Variants in AMMECR1 observed in about 807,000 individuals in gnomAD.
The protein encoded by AMMECR1 is nuclear protein AMMECR1.
In AMMECR1, 3 loss-of-function variants were observed where a neutral mutation model predicts 22.5. The observed-to-expected ratio is 0.13, with a 90% CI of 0.06 to 0.35. AMMECR1 has a LOEUF of 0.35. Ranked by LOEUF, AMMECR1 falls within the 10% of genes least tolerant of loss-of-function variation. AMMECR1 has a pLI of 1.00. For missense variants in AMMECR1, 235 were observed against 278.7 expected, an observed-to-expected ratio of 0.84 and a Z score of 1.12; for synonymous variants, 130 against 116.7, an observed-to-expected ratio of 1.11 and a Z score of -0.74.
Position 110,194,973 on chromosome X carries a change from ATC to A in AMMECR1, c.*3545_*3546del. 8.9e-6 allele frequency: 1 copy of A among 112,047 alleles called. No homozygotes were observed. Among genetic ancestry groups the A allele is most frequent in the East Asian group, 2.8e-4 (1 of 3,579 alleles). 9.2% of individuals were successfully genotyped at this position (112,047 alleles called of 1,213,427 possible). On this transcript the variant is annotated 3_prime_UTR_variant, in exon 6 of 6. Transcript: ENST00000262844. Reference sequence around the variant, plus strand: ...ATTCATTTTAACATCACTAGCAAAAATCACTTAGAAACTGTACAAAAATAAAA... The same window carrying A: ...ATTCATTTTAACATCACTAGCAAAAAACTTAGAAACTGTACAAAAATAAAA...
chrX:110,372,243 A>G (rs1445396971), intron 2 of AMMECR1, among the ~76,000 whole-genome samples: 1 of 112,773 alleles, frequency 8.9e-6, no homozygotes, highest in East Asian at 2.8e-4. Context: ...TGAGGAGGAT[A>G]TAAAATCAAG....
intron 1 of AMMECR1, among the ~76,000 whole-genome samples, chrX:110,436,177 A>G (rs1033096879): frequency 8.9e-6 from 1 of 112,233 alleles, no homozygotes; most frequent in Non-Finnish European, 1.9e-5. Flanking sequence ...TTTGTGAAGT[A>G]TCTTTAGAGC....
intron 2 of AMMECR1, among the ~76,000 whole-genome samples, chrX:110,420,295 G>C (rs143092956): frequency 0.04 from 4,514 of 112,219 alleles, 238 homozygotes; most frequent in African/African-American, 0.14. Context: ...AAGAGAGCTT[G>C]TTCTGGAATA....
intron 3 of AMMECR1, among the ~76,000 whole-genome samples, chrX:110,205,695 A>G (rs754370215): frequency 1.7e-4 from 19 of 111,812 alleles, no homozygotes; most frequent in Non-Finnish European, 3.2e-4. Context: ...GTCATTTTCA[A>G]AATTACTAGA....
At chrX:110,341,641 C>T (rs1285884244) in intron 2 of AMMECR1, among the ~76,000 whole-genome samples, 7 of 112,127 alleles carry the variant, frequency 6.2e-5, no homozygotes, top group African/African-American at 1.3e-4. Flanking sequence ...GTTATCAGAT[C>T]GACTGTTGTG....
At chrX:110,438,911 T>C (rs1410783104) in intron 1 of AMMECR1, among the ~76,000 whole-genome samples, 1 of 112,351 alleles carries the variant, frequency 8.9e-6, no homozygotes, top group African/African-American at 3.2e-5. Flanking sequence ...TTTATTCTTA[T>C]TCATGGCTGA....
chrX:110,357,959 C>T (rs925315280), intron 2 of AMMECR1, among the ~76,000 whole-genome samples: 5 of 111,465 alleles, frequency 4.5e-5, no homozygotes, highest in African/African-American at 1.6e-4. Context: ...TTGCCTGGCC[C>T]TCTGTCTCCC....
intron 2 of AMMECR1, among the ~76,000 whole-genome samples, chrX:110,373,889 A>G (rs2068357528): frequency 8.9e-6 from 1 of 112,368 alleles, no homozygotes; most frequent in Non-Finnish European, 1.9e-5. Context: ...TAAAAAGTCA[A>G]ATGACAGTTT....
intron 2 of AMMECR1, among the ~76,000 whole-genome samples, chrX:110,423,060 T>C (rs2068729257): frequency 8.9e-6 from 1 of 111,859 alleles, no homozygotes; most frequent in Admixed American, 9.4e-5. Flanking sequence ...GGGCGCGGTG[T>C]CTCATGCCTG....
chrX:110,252,672 C>T (rs2067691928), intron 2 of AMMECR1, among the ~76,000 whole-genome samples: 1 of 111,932 alleles, frequency 8.9e-6, no homozygotes, highest in Non-Finnish European at 1.9e-5. Flanking sequence ...CTTTATAATC[C>T]ACAATTTCTA....
intron 2 of AMMECR1, among the ~76,000 whole-genome samples, chrX:110,371,697 G>T (rs1487715480): frequency 1.8e-5 from 2 of 111,177 alleles, no homozygotes; most frequent in Non-Finnish European, 3.8e-5. Context: ...TATGGAGTGG[G>T]TGCAGCTTGG....
At chrX:110,407,308 C>G (rs1399706791) in intron 2 of AMMECR1, among the ~76,000 whole-genome samples, 6 of 112,018 alleles carry the variant, frequency 5.4e-5, no homozygotes, top group Non-Finnish European at 7.5e-5. Flanking sequence ...CTTGGTATTT[C>G]TCACTGTTGG....
chrX:110,314,467 C>A (rs982279595), intron 1 of AMMECR1, among the ~76,000 whole-genome samples: 5 of 111,468 alleles, frequency 4.5e-5, no homozygotes, highest in African/African-American at 1.6e-4. Flanking sequence ...TCCAAGACCC[C>A]ATTCAAGTCC....
At chrX:110,251,385 G>A (rs1438643242) in intron 2 of AMMECR1, among the ~76,000 whole-genome samples, 2 of 111,702 alleles carry the variant, frequency 1.8e-5, no homozygotes, top group Non-Finnish European at 3.8e-5. Flanking sequence ...GAAATGGGGA[G>A]AGGCAAAGAA....
chrX:110,222,452 C>A (rs1389567342), intron 2 of AMMECR1, among the ~76,000 whole-genome samples: 1 of 63,465 alleles, frequency 1.6e-5, no homozygotes, highest in Admixed American at 2.1e-4. Flanking sequence ...GTTGTGGGGT[C>A]GGGGGAGGGG....
At chrX:110,218,892 A>G (rs1220942327) in intron 2 of AMMECR1, among the ~76,000 whole-genome samples, 4 of 111,712 alleles carry the variant, frequency 3.6e-5, no homozygotes, top group African/African-American at 1.3e-4. Flanking sequence ...ATGAAATCAT[A>G]CAATATATTG....
intron 2 of AMMECR1, among the ~76,000 whole-genome samples, chrX:110,374,949 G>A (rs1418811287): frequency 9.0e-6 from 1 of 111,099 alleles, no homozygotes; most frequent in Non-Finnish European, 1.9e-5. Context: ...CTTTTTAAAG[G>A]AAATTATATG....
chrX:110,354,380 C>A (rs927358804), intron 2 of AMMECR1, among the ~76,000 whole-genome samples: 4 of 111,796 alleles, frequency 3.6e-5, no homozygotes, highest in Non-Finnish European at 5.6e-5. Context: ...TGTTATTATT[C>A]CCTTTAAACA....
chrX:110,358,399 T>C (rs2068241718), intron 2 of AMMECR1, among the ~76,000 whole-genome samples: 1 of 111,674 alleles, frequency 9.0e-6, no homozygotes, highest in South Asian at 3.8e-4. Context: ...CTAGGAATTA[T>C]TAATGATAAG....
Sources: gnomAD v4.1 joint callset for allele counts (sites outside exome capture counted in the v4.1 genomes callset) on GRCh38, gnomAD v4.1.1 for gene constraint, MANE v1.5 for transcripts, NCBI Gene and HGNC (gene_info 2026-07-23, HGNC 2026-07-21) for gene names.